RANBP2: variants seen among roughly 807,000 people sequenced by gnomAD.
RANBP2 encodes the protein RAN binding protein 2.
A neutral mutation model predicts 303.6 loss-of-function variants in RANBP2; 57 were observed. The observed-to-expected ratio is 0.19, with a 90% confidence interval of 0.15 to 0.23. The LOEUF (loss-of-function observed/expected upper bound fraction) is 0.23, where lower values mean the gene tolerates loss of function less well. Ranked by LOEUF, RANBP2 falls within the 10% of genes least tolerant of loss-of-function variation. RANBP2 has a pLI of 1.00. For synonymous variants in RANBP2, 1,167 were observed against 1,301.5 expected (o/e 0.90, Z 2.23); for missense variants, 3,138 against 3,780.8 (o/e 0.83, Z 4.46).
At chr2:109,576,743 G>C in the RANBP2 span, among the ~76,000 whole-genome samples, 1 of 152,068 alleles carries the variant, frequency 6.6e-6, no homozygotes, top group Non-Finnish European at 1.5e-5. Context: ...AAACCGTAAA[G>C]ATTTTCTGCT....
the RANBP2 span, among the ~76,000 whole-genome samples, chr2:109,328,004 T>G: frequency 6.6e-6 from 1 of 152,252 alleles, no homozygotes; most frequent in Admixed American, 6.5e-5. Context: ...GGTGCCAAGC[T>G]TATTCCATAT....
chr2:109,041,810 G>C, the RANBP2 span, among the ~76,000 whole-genome samples: 19 of 151,134 alleles, frequency 1.3e-4, no homozygotes, highest in African/African-American at 3.7e-4. Flanking sequence ...CAAAGTGCTG[G>C]GTTTACAGGT....
the RANBP2 span, among the ~76,000 whole-genome samples, chr2:109,074,708 ATAATAATAATAG>A: frequency 6.7e-6 from 1 of 149,632 alleles, no homozygotes; most frequent in African/African-American, 2.4e-5. Flanking sequence ...TCAAATAATA[ATAATAATAATAG>A]TAATAATTAC....
the RANBP2 span, among the ~76,000 whole-genome samples, chr2:109,117,750 G>GGGAGCTGTAGACA: frequency 6.6e-6 from 1 of 152,224 alleles, no homozygotes; most frequent in South Asian, 2.1e-4. Context: ...AGCTGTAGAC[G>GGGAGCTGTAGACA]GGAGCTGTTC....
At chr2:108,936,975 C>A in the RANBP2 span, among the ~76,000 whole-genome samples, 4 of 152,356 alleles carry the variant, frequency 2.6e-5, no homozygotes, top group East Asian at 7.7e-4. Context: ...AATAGCCGGT[C>A]CTGTTCCCAG....
the RANBP2 span, among the ~76,000 whole-genome samples, chr2:109,450,000 T>C: frequency 6.6e-6 from 1 of 152,200 alleles, no homozygotes; most frequent in Admixed American, 6.5e-5. Flanking sequence ...GCTGACCTGA[T>C]GGCTGGTGTG....
At chr2:109,009,244 G>T in the RANBP2 span, among the ~76,000 whole-genome samples, 1 of 152,012 alleles carries the variant, frequency 6.6e-6, no homozygotes, top group Admixed American at 6.6e-5. Context: ...GGAGGCTGAG[G>T]CAGGAGAATG....
the RANBP2 span, among the ~76,000 whole-genome samples, chr2:109,531,512 T>A: frequency 2.0e-5 from 3 of 152,196 alleles, no homozygotes; most frequent in Non-Finnish European, 4.4e-5. Flanking sequence ...CTTTCATCTG[T>A]CTCTTGGATA....
At chr2:109,348,206 A>G in the RANBP2 span, among the ~76,000 whole-genome samples, 2,764 of 152,290 alleles carry the variant, frequency 0.018, 84 homozygotes, top group African/African-American at 0.063. Context: ...GGAGCTTGAG[A>G]TAATATAAGC....
the RANBP2 span, among the ~76,000 whole-genome samples, chr2:108,886,754 C>T: frequency 6.6e-6 from 1 of 151,800 alleles, no homozygotes; most frequent in African/African-American, 2.4e-5. Flanking sequence ...AAAAATTTAA[C>T]TGTGGAGCTG....
chr2:109,287,454 T>C, the RANBP2 span, among the ~76,000 whole-genome samples: 1 of 152,198 alleles, frequency 6.6e-6, no homozygotes, highest in Admixed American at 6.5e-5. Context: ...ATCTCTAGGC[T>C]ACCTGAGATA....
chr2:109,011,607 C>T, the RANBP2 span, among the ~76,000 whole-genome samples: 28 of 152,286 alleles, frequency 1.8e-4, no homozygotes, highest in South Asian at 6.2e-4. Flanking sequence ...TCATTTGCTG[C>T]GTCCTCTCTC....
the RANBP2 span, among the ~76,000 whole-genome samples, chr2:108,875,835 G>A: frequency 2.0e-5 from 3 of 152,128 alleles, no homozygotes; most frequent in Non-Finnish European, 4.4e-5. Flanking sequence ...CTCCACCTGG[G>A]TGCCAGAATA....
At chr2:108,993,182 T>C in the RANBP2 span, among the ~76,000 whole-genome samples, 1 of 152,076 alleles carries the variant, frequency 6.6e-6, no homozygotes. Context: ...AGAAGGAAAG[T>C]TGACCAAGAC....
At chr2:109,408,520 G>T in the RANBP2 span, among the ~76,000 whole-genome samples, 2 of 152,192 alleles carry the variant, frequency 1.3e-5, no homozygotes, top group Non-Finnish European at 2.9e-5. Flanking sequence ...TCCCACACGC[G>T]CTCACGCCCA....
At chr2:109,009,225 A>T in the RANBP2 span, among the ~76,000 whole-genome samples, 1 of 151,940 alleles carries the variant, frequency 6.6e-6, no homozygotes, top group Non-Finnish European at 1.5e-5. Flanking sequence ...CTGTAGTCCC[A>T]GTTACTCTGG....
the RANBP2 span, among the ~76,000 whole-genome samples, chr2:109,472,109 T>C: frequency 6.6e-6 from 1 of 152,232 alleles, no homozygotes; most frequent in South Asian, 2.1e-4. Flanking sequence ...AGATTGTTAA[T>C]TATTATTAAT....
At chr2:108,721,060 AAAC>A (rs953816771) in intron 1 of RANBP2, among the ~76,000 whole-genome samples, 24 of 152,140 alleles carry the variant, frequency 1.6e-4, no homozygotes, top group Admixed American at 1.5e-3. Context: ...ACAAAAACAA[AAAC>A]AAAAAAAACC....
At position 108,766,088 on chromosome 2, in the gene RANBP2, C is replaced by T. The variant is rs1004480268; in HGVS notation, c.5549C>T (p.Ser1850Phe). Residue 1850 changes from serine to phenylalanine, a missense_variant, in exon 20 of 29, where the codon TCT becomes TTT. Ser to Phe is a radical substitution (Grantham distance 155). This residue lies in a region of RANBP2 where 348 missense variants were observed against 360.4 expected (regional missense o/e 0.97). Transcript: ENST00000283195. ...GFKSNFSEKA[S>F]KFGNTEQGFK... Reference sequence around the variant, plus strand: ...AAAAGTAATTTCTCAGAAAAAGCTTCTAAGTTTGGCAATACAGAGCAAGGA... The same window carrying T: ...AAAAGTAATTTCTCAGAAAAAGCTTTTAAGTTTGGCAATACAGAGCAAGGA... The T allele has an allele frequency of 2.5e-6, 4 of 1,614,120 alleles. No homozygotes were observed. The highest frequency in any genetic ancestry group is 1.7e-6 in the Non-Finnish European group (2 of 1,180,006).
Sources: allele counts gnomAD v4.1 joint callset (sites outside exome capture counted in the v4.1 genomes callset), GRCh38; gene constraint gnomAD v4.1.1; regional missense constraint gnomAD v4.1.1; transcripts MANE v1.5; gene names NCBI Gene and HGNC (gene_info 2026-07-23, HGNC 2026-07-21).